RGS11: variants seen among roughly 807,000 people sequenced by gnomAD.
The protein encoded by RGS11 is regulator of G-protein signaling 11.
In RGS11, 86 loss-of-function variants were observed where a neutral mutation model predicts 71.1. The observed-to-expected ratio is 1.21, with a 90% confidence interval of 1.02 to 1.45. The LOEUF is 1.45. Among genes scored for constraint, RGS11 ranks in the 40% most tolerant of loss-of-function variants. The pLI is 0.00. For missense variants in RGS11, 734 were observed against 635.1 expected (o/e 1.16, Z -1.67); for synonymous variants, 298 against 254.2 (o/e 1.17, Z -1.64).
rs1239041869 is a variant in RGS11, at chr16:272,454, G to T, written c.657+409C>A. 3 of 1,321,166 alleles carry T rather than the reference G, an allele frequency of 2.3e-6. No individual in the cohort carries two copies. In the Admixed American group the frequency reaches 6.7e-5, roughly 30 times the overall value. The allele number at this position is 1,321,166 out of a possible 1,614,324, so 81.8% of individuals were successfully genotyped here. On this transcript the variant is annotated intron_variant, in intron 9 of 16. Coordinates refer to ENST00000397770, the MANE Select transcript of RGS11 (RefSeq NM_183337.3). ...GGTTTTGCTGCTGCGGGGCTCAGAT[G>T]CTCCCTCTGGTCTGGTCCCTCTGGT...
chr16:269,324 G>C lies in RGS11; in HGVS notation c.1349C>G (p.Thr450Ser), dbSNP rs758577077. ...HSSPSPALLP[T>S]PVEPTAACGP... ...ACAAGCCGCTGTGGGCTCCACAGGG[G>C]TGGGAAGGAGTGCAGGGCTGGGGCT... is the stretch of plus-strand genomic sequence containing the variant. Residue 450 changes from threonine (T) to serine (S), a missense_variant, in exon 17 of 17, where the codon ACC becomes AGC. Physicochemically the swap from Thr to Ser is moderately conservative, Grantham distance 58. Transcript: ENST00000397770. 32 of 1,600,950 alleles carry C rather than the reference G, an allele frequency of 2.0e-5. No individual in the cohort carries two copies. The South Asian group carries it at 2.4e-4, about 12-fold the overall frequency.
chr16:274,874 A>C, intron 4 of RGS11, 102 bp downstream of exon 4: 1 of 1,489,692 alleles, frequency 6.7e-7, no homozygotes, highest in Non-Finnish European at 9.1e-7. Context: ...GTCCCACTCC[A>C]ATCCCAGCAA....
In RGS11 at chr16:268,548, G is replaced by T. The variant is rs376890530; in HGVS notation, c.*721C>A. The T allele has an allele frequency of 8.6e-6, 5 of 582,508 alleles. No homozygotes were observed. In the East Asian group the frequency reaches 1.1e-4, roughly 13 times the overall value. The allele number at this position is 582,508 out of a possible 1,614,324, so 36.1% of individuals were successfully genotyped here. A position where few individuals can be genotyped will look rare whatever the true frequency, so the allele number is the denominator to read the frequency against. ...GACTTGGGCAGGGAGGATCAGGGAC[G>T]CCTGGCAAGGATCCACCCTATGGAA... On this transcript the variant is annotated 3_prime_UTR_variant, in exon 17 of 17. Coordinates refer to ENST00000397770, the MANE Select transcript of RGS11 (RefSeq NM_183337.3).
chr16:271,488 C>G, intron 10 of RGS11, 28 bp from the exon 11 acceptor site: 1 of 1,613,972 alleles, frequency 6.2e-7, no homozygotes, highest in Non-Finnish European at 8.5e-7. Context: ...TGAGTCAGGT[C>G]CCGGGCTGGG....
rs1437806710 is a variant in RGS11 at position 275,845 on chromosome 16, G to A, written c.63+4C>T. 9.4e-7 allele frequency: 1 copy of A among 1,068,490 alleles called. No individual in the cohort carries two copies. Among genetic ancestry groups the A allele is most frequent in the Non-Finnish European group, 1.2e-6 (1 of 866,558 alleles). 66.2% of individuals were successfully genotyped at this position (1,068,490 alleles called of 1,614,324 possible). On this transcript the variant is annotated splice_donor_region_variant and intron_variant, in intron 1 of 16. Transcript: ENST00000397770. ...GGACGGCGGGACACCCACCCGCCTC[G>A]CACCTTCCTCAGATGCGGCATCTGC...
At chr16:274,289 G>C (rs2052069613) in intron 4 of RGS11, 24 bp from the exon 5 acceptor site, 1 of 1,602,842 alleles carries the variant, frequency 6.2e-7, no homozygotes, top group Admixed American at 1.7e-5. Flanking sequence ...GGGAGAAGGT[G>C]TCCAGGACGC....
chr16:270,710 G>A (rs376818835), intron 14 of RGS11, 34 bp downstream of exon 14: 236 of 1,610,128 alleles, frequency 1.5e-4, no homozygotes, highest in Non-Finnish European at 1.9e-4. Context: ...GCACCTGCCC[G>A]TTGGCCAACC....
chr16:272,928 C>T lies in RGS11; in HGVS notation c.592G>A (p.Gly198Arg), dbSNP rs1472683461. ...CCCTGCTCCAGCACATCGGGGGCCC[C>T]GGGCTGCGGAGGGGAGACGAGATGA... ...TYWLVNRPPP[G>R]APDVLEQGPG... The change falls in exon 9 of 17, where the codon GGG (glycine) becomes AGG (arginine). Residue 198 changes from glycine (G) to arginine (R), a missense_variant. Transcript: ENST00000397770. 3.7e-5 allele frequency: 56 copies of T among 1,510,326 alleles called. No homozygotes were observed. Among genetic ancestry groups the T allele is most frequent in the African/African-American group, 2.2e-4 (16 of 72,094 alleles). 93.6% of individuals were successfully genotyped at this position (1,510,326 alleles called of 1,614,324 possible). A position where few individuals can be genotyped will look rare whatever the true frequency, so the allele number is the denominator to read the frequency against.
rs2052029509 is a variant in RGS11, at chr16:273,565, A to T, written c.507-9T>A. The T allele has an allele frequency of 6.4e-7, 1 of 1,558,062 alleles. No individual in the cohort carries two copies. The highest frequency in any genetic ancestry group is 1.9e-5 in the Admixed American group (1 of 51,482). On this transcript the variant is annotated splice_polypyrimidine_tract_variant and intron_variant, in intron 7 of 16. Transcript: ENST00000397770. ...TGCGCTGCTTGGCTGCCCTGGGAGG[A>T]GGAGGCCGAGTTGAGGGCACGCCCT...
chr16:271,663 GC>G, intron 9 of RGS11, 94 bp from the exon 10 acceptor site: 1 of 1,237,862 alleles, frequency 8.1e-7, no homozygotes, highest in Non-Finnish European at 1.2e-6. Context: ...CTGAGCCCCT[GC>G]CCCATAGATC....
At chr16:272,972 G>A in intron 8 of RGS11, 41 bp from the exon 9 acceptor site, 2 of 1,453,790 alleles carry the variant, frequency 1.4e-6, no homozygotes, top group Non-Finnish European at 1.8e-6. Flanking sequence ...TGCAGTTCCG[G>A]TGGCTGACCC....
rs538383366 is a variant in RGS11, at chr16:269,279, C to T, written c.1394G>A (p.Gly465Glu). ...TAACGPGGGD[G>E]VA ...GATGGGCCAGGTCCACTAGGCCACC[C>T]CATCTCCACCCCCAGGGCCACAAGC... Residue 465 changes from glycine to glutamate, a missense_variant, in exon 17 of 17, where the codon GGG becomes GAG. By Grantham distance (98) the Gly-to-Glu change is moderately conservative. Coordinates refer to ENST00000397770, the MANE Select transcript of RGS11 (RefSeq NM_183337.3). The T allele has an allele frequency of 4.3e-5, 68 of 1,570,128 alleles. No individual in the cohort carries two copies. Among genetic ancestry groups the T allele is most frequent in the Admixed American group, 3.8e-4 (20 of 52,908 alleles).
chr16:268,912 T>G lies in RGS11; in HGVS notation c.*357A>C. Reference sequence around the variant, plus strand: ...TGCTTCCGGGTATTCGCTGGCTGATTTACTGGTTTTAGAGATGGGGATGGG... The same window carrying G: ...TGCTTCCGGGTATTCGCTGGCTGATGTACTGGTTTTAGAGATGGGGATGGG... On this transcript the variant is annotated 3_prime_UTR_variant, in exon 17 of 17. Coordinates refer to ENST00000397770, the MANE Select transcript of RGS11 (RefSeq NM_183337.3). 3.9e-6 allele frequency: 6 copies of G among 1,550,446 alleles called. No individual in the cohort carries two copies. The highest frequency in any genetic ancestry group is 5.2e-6 in the Non-Finnish European group (6 of 1,146,966).
chr16:269,474 G>T, intron 16 of RGS11, 29 bp downstream of exon 16: 1 of 1,607,784 alleles, frequency 6.2e-7, no homozygotes, highest in East Asian at 2.2e-5. Flanking sequence ...GGCCACAGCC[G>T]CCGGCCACAG....
In RGS11 at chr16:275,385, G is replaced by T. The variant is rs772237005; in HGVS notation, c.160+17C>A. ...GAGGCCGAGGCGCGCACGCACCCCC[G>T]CCCCGGCGCGCCTCACCTGTCACCG... On this transcript the variant is annotated intron_variant, in intron 2 of 16. Coordinates refer to ENST00000397770, the MANE Select transcript of RGS11 (RefSeq NM_183337.3). 2 of 1,608,680 alleles carry T rather than the reference G, an allele frequency of 1.2e-6. No homozygotes were observed. Among genetic ancestry groups the T allele is most frequent in the South Asian group, 1.1e-5 (1 of 91,002 alleles).
In RGS11 at chr16:269,523, G is replaced by A; in HGVS notation, c.1269C>T (p.Ile423=). The part of the protein sequence containing the change: ...MYKALLAEAG[I]PLEMKRRVFP... Reference sequence around the variant, plus strand: ...CTCACCGTCTCTTCATCTCCAGCGGGATCCCAGCCTCTGCCAGGAGGGCCT... The same window carrying A: ...CTCACCGTCTCTTCATCTCCAGCGGAATCCCAGCCTCTGCCAGGAGGGCCT... Residue 423 remains isoleucine (I), a synonymous_variant, in exon 16 of 17, where the codon ATC becomes ATT. Coordinates refer to ENST00000397770, the MANE Select transcript of RGS11 (RefSeq NM_183337.3). 1 of 1,613,266 alleles carries A rather than the reference G, an allele frequency of 6.2e-7. No homozygotes were observed. Among genetic ancestry groups the A allele is most frequent in the Non-Finnish European group, 8.5e-7 (1 of 1,179,918 alleles).
chr16:270,853 C>T lies in RGS11; in HGVS notation c.980-22G>A, dbSNP rs763936023. 40 of 1,606,084 alleles carry T rather than the reference C, an allele frequency of 2.5e-5. No individual in the cohort carries two copies. In the African/African-American group the frequency reaches 3.7e-4, roughly 15 times the overall value. ...TCTCCTGGGGGGCCGGGCACCCAGT[C>T]AAGGATCCCATCGAGAGTGGCAGCC... On this transcript the variant is annotated intron_variant, in intron 13 of 16. Transcript: ENST00000397770.
At position 269,585 on chromosome 16, in the gene RGS11, C is replaced by A; in HGVS notation, c.1207G>T (p.Asp403Tyr). 6.2e-7 allele frequency: 1 copy of A among 1,612,218 alleles called. No homozygotes were observed. Among genetic ancestry groups the A allele is most frequent in the Non-Finnish European group, 8.5e-7 (1 of 1,178,950 alleles). ...QLHIYMLMKK[D>Y]SYPRFLKSDM... The stretch of plus-strand genomic sequence containing the variant: ...GACTTCAGGAACCTTGGGTAGGAGT[C>A]CTACAAGAGACAGCGTCCAGCCCCT... Residue 403 changes from aspartate (D) to tyrosine (Y), a missense_variant and splice_region_variant, in exon 16 of 17, where the codon GAC (aspartate) becomes TAC (tyrosine). Coordinates refer to ENST00000397770, the MANE Select transcript of RGS11 (RefSeq NM_183337.3).
At chr16:271,366 G>A (rs1309280312) in intron 11 of RGS11, 33 bp downstream of exon 11, 6 of 1,613,046 alleles carry the variant, frequency 3.7e-6, no homozygotes, top group Non-Finnish European at 5.1e-6. Context: ...CACTCAGCAG[G>A]GGTCTCCAGC....
Sources: gnomAD v4.1 joint callset for allele counts on GRCh38, gnomAD v4.1.1 for gene constraint, MANE v1.5 for transcripts, NCBI Gene and HGNC (gene_info 2026-07-23, HGNC 2026-07-21) for gene names.